Variants in DNAJB7 observed in about 807,000 individuals in gnomAD.
DNAJB7 encodes DnaJ heat shock protein family (Hsp40) member B7, also known as dnaJ homolog subfamily B member 7.
A neutral mutation model predicts 1.2 loss-of-function variants in DNAJB7; 1 was observed. The ratio of observed to expected loss-of-function variants is 0.84; its 90% confidence interval spans 0.30 to 4.01. The LOEUF (loss-of-function observed/expected upper bound fraction) is 4.01. Ranked by LOEUF, DNAJB7 falls within the 30% of genes most tolerant of loss-of-function variation. The pLI, the probability that DNAJB7 is intolerant of heterozygous loss-of-function variation, is 0.18. For synonymous variants in DNAJB7, 128 were observed against 127.7 expected, an observed-to-expected ratio of 1.00 and a Z score of -0.01; for missense variants, 420 against 358.5, an observed-to-expected ratio of 1.17 and a Z score of -1.39.
Position 40,860,986 on chromosome 22 carries a change from TTAAG to T in DNAJB7, c.*75_*78del, listed in dbSNP as rs900446847. 1.0e-4 allele frequency: 139 copies of T among 1,345,868 alleles called. No homozygotes were observed. In the African/African-American group the frequency reaches 1.3e-3, roughly 13 times the overall value. The allele number at this position is 1,345,868 out of a possible 1,614,324, so 83.4% of individuals were successfully genotyped here. On this transcript the variant is annotated 3_prime_UTR_variant, in exon 1 of 1. Transcript: ENST00000307221. ...GTGTTGAAAAGCTCTTAGTATAGTA[TTAAG>T]TGTTATCTACAAAATTTGTGATTAA... is the stretch of plus-strand genomic sequence containing the variant.
At position 40,860,661 on chromosome 22, in the gene DNAJB7, T is replaced by C; in HGVS notation, c.*404A>G. The C allele has an allele frequency of 7.7e-7, 1 of 1,306,516 alleles. No homozygotes were observed. The highest frequency in any genetic ancestry group is 1.0e-6 in the Non-Finnish European group (1 of 961,332). The allele number at this position is 1,306,516 out of a possible 1,614,324, so 80.9% of individuals were successfully genotyped here. A position where few individuals can be genotyped will look rare whatever the true frequency, so the allele number is the denominator to read the frequency against. ...CATTGCAGTTTTCCAAATTCCTTTT[T>C]TTTTTTTTTAAGACAGGGTCTTACT... On this transcript the variant is annotated 3_prime_UTR_variant, in exon 1 of 1. Coordinates refer to ENST00000307221, the MANE Select transcript of DNAJB7 (RefSeq NM_145174.2).
chr22:40,860,451 A>G lies in DNAJB7; in HGVS notation c.*614T>C, dbSNP rs2057935921. 2.7e-6 allele frequency: 1 copy of G among 368,920 alleles called. No individual in the cohort carries two copies. The highest frequency in any genetic ancestry group is 2.1e-5 in the African/African-American group (1 of 47,784). 22.9% of individuals were successfully genotyped at this position (368,920 alleles called of 1,614,324 possible). On this transcript the variant is annotated 3_prime_UTR_variant, in exon 1 of 1. Transcript: ENST00000307221. ...AGTACCTTTAAGTTATAATGCATCA[A>G]ATGCTGTTCCTCCATTGGAAAACAG...
Position 40,861,665 on chromosome 22 carries a change from G to T in DNAJB7, c.330C>A (p.His110Gln), listed in dbSNP as rs1295211358. ...GGTCCTCAAGCGAGTCTTCAAAGAA[G>T]TGAAAAGAAAATGGATCCCTTTCAT... ...IFHERDPFSFHFFEDSLEDLL... is the reference protein window; with the variant it reads ...IFHERDPFSFQFFEDSLEDLL... The change falls in exon 1 of 1, where the codon CAC becomes CAA. Residue 110 changes from histidine to glutamine, a missense_variant. His to Gln is a conservative substitution (Grantham distance 24). Transcript: ENST00000307221. 4.3e-6 allele frequency: 7 copies of T among 1,614,004 alleles called. No homozygotes were observed. Among genetic ancestry groups the T allele is most frequent in the Non-Finnish European group, 3.4e-6 (4 of 1,180,030 alleles).
In DNAJB7 at chr22:40,860,935, A is replaced by T; in HGVS notation, c.*130T>A. 3 of 922,940 alleles carry T rather than the reference A, an allele frequency of 3.3e-6. No individual in the cohort carries two copies. The highest frequency in any genetic ancestry group is 3.1e-5 in the Admixed American group (1 of 32,128). The allele number at this position is 922,940 out of a possible 1,614,324, so 57.2% of individuals were successfully genotyped here. A position where few individuals can be genotyped will look rare whatever the true frequency, so the allele number is the denominator to read the frequency against. ...ACATACCCATTCAAAAAAACTACTA[A>T]CCAAATGTCCACAATCCTGCTAAAA... On this transcript the variant is annotated 3_prime_UTR_variant, in exon 1 of 1. Transcript: ENST00000307221.
rs1446202013 is a variant in DNAJB7 at position 40,861,409 on chromosome 22, C to T, written c.586G>A (p.Gly196Ser). ...SVTTSDKIVN[G>S]RNINTKKIIE... ...ATTTTCTTTGTATTAATATTTCTGC[C>T]ATTAACGATTTTGTCTGAAGTTGTA... Residue 196 changes from glycine to serine, a missense_variant, in exon 1 of 1, where the codon GGC becomes AGC. Physicochemically the swap from Gly to Ser is moderately conservative, Grantham distance 56 (BLOSUM62 0). Coordinates refer to ENST00000307221, the MANE Select transcript of DNAJB7 (RefSeq NM_145174.2). The T allele has an allele frequency of 6.2e-7, 1 of 1,613,628 alleles. No homozygotes were observed. Among genetic ancestry groups the T allele is most frequent in the East Asian group, 2.2e-5 (1 of 44,876 alleles).
chr22:40,861,013 T>C lies in DNAJB7; in HGVS notation c.*52A>G. On this transcript the variant is annotated 3_prime_UTR_variant, in exon 1 of 1. Transcript: ENST00000307221. ...AAGTGTTATCTACAAAATTTGTGAT[T>C]AACCAAAACACACACAATTGTGTTC... 1 of 1,511,818 alleles carries C rather than the reference T, an allele frequency of 6.6e-7. No homozygotes were observed. The highest frequency in any genetic ancestry group is 8.9e-7 in the Non-Finnish European group (1 of 1,128,262). 93.7% of individuals were successfully genotyped at this position (1,511,818 alleles called of 1,614,324 possible).
In DNAJB7 at chr22:40,861,784, C is replaced by T; in HGVS notation, c.211G>A (p.Glu71Lys). ...KRDIYDKYGT[E>K]GLNGGGSHFD... The stretch of plus-strand genomic sequence containing the variant: ...TGACTTCCACCTCCGTTTAATCCTT[C>T]TGTGCCATATTTATCATAAATGTCC... The change falls in exon 1 of 1, where the codon GAA becomes AAA. Residue 71 changes from glutamate (E) to lysine (K), a missense_variant. By Grantham distance (56) the Glu-to-Lys change is moderately conservative. Transcript: ENST00000307221. The T allele has an allele frequency of 6.2e-7, 1 of 1,613,544 alleles. No individual in the cohort carries two copies. Among genetic ancestry groups the T allele is most frequent in the Non-Finnish European group, 8.5e-7 (1 of 1,179,832 alleles).
chr22:40,860,941 T>C lies in DNAJB7; in HGVS notation c.*124A>G. 1.2e-5 allele frequency: 11 copies of C among 952,934 alleles called. No homozygotes were observed. Among genetic ancestry groups the C allele is most frequent in the Non-Finnish European group, 1.7e-5 (11 of 657,644 alleles). The allele number at this position is 952,934 out of a possible 1,614,324, so 59.0% of individuals were successfully genotyped here. Reference sequence around the variant, plus strand: ...CCATTCAAAAAAACTACTAACCAAATGTCCACAATCCTGCTAAAAGTGTTG... The same window carrying C: ...CCATTCAAAAAAACTACTAACCAAACGTCCACAATCCTGCTAAAAGTGTTG... On this transcript the variant is annotated 3_prime_UTR_variant, in exon 1 of 1. Transcript: ENST00000307221.
rs1430163407 is a variant in DNAJB7, at chr22:40,859,944, T to C, written c.*1121A>G. Reference sequence around the variant, plus strand: ...AAACTCTAAACAAAAATAGAAAATTTCCTGTCTGGAGTGATTCACTGATGG... The same window carrying C: ...AAACTCTAAACAAAAATAGAAAATTCCCTGTCTGGAGTGATTCACTGATGG... On this transcript the variant is annotated 3_prime_UTR_variant, in exon 1 of 1. Coordinates refer to ENST00000307221, the MANE Select transcript of DNAJB7 (RefSeq NM_145174.2). 1 of 152,220 alleles carries C rather than the reference T, an allele frequency of 6.6e-6. No homozygotes were observed. The highest frequency in any genetic ancestry group is 1.5e-5 in the Non-Finnish European group (1 of 68,044). The allele number at this position is 152,220 out of a possible 1,614,324, so 9.4% of individuals were successfully genotyped here.
Position 40,861,401 on chromosome 22 carries a change from A to G in DNAJB7, c.594T>C (p.Asn198=). ...TTTCAATAATTTTCTTTGTATTAAT[A>G]TTTCTGCCATTAACGATTTTGTCTG... ...TTSDKIVNGR[N]INTKKIIESD... Residue 198 remains asparagine (N), a synonymous_variant, in exon 1 of 1, where the codon AAT becomes AAC. Coordinates refer to ENST00000307221, the MANE Select transcript of DNAJB7 (RefSeq NM_145174.2). 1 of 1,613,708 alleles carries G rather than the reference A, an allele frequency of 6.2e-7. No individual in the cohort carries two copies. Among genetic ancestry groups the G allele is most frequent in the Non-Finnish European group, 8.5e-7 (1 of 1,179,930 alleles).
rs150104806 is a variant in DNAJB7, at chr22:40,861,483, A to G, written c.512T>C (p.Phe171Ser). 6.2e-7 allele frequency: 1 copy of G among 1,614,168 alleles called. No homozygotes were observed. The highest frequency in any genetic ancestry group is 2.2e-5 in the East Asian group (1 of 44,876). The change falls in exon 1 of 1, where the codon TTC (phenylalanine) becomes TCC (serine). Residue 171 changes from phenylalanine (F) to serine (S), a missense_variant. Physicochemically the swap from Phe to Ser is radical, Grantham distance 155. Coordinates refer to ENST00000307221, the MANE Select transcript of DNAJB7 (RefSeq NM_145174.2). ...ACTATTATCAAAAGCCAGGGAAGAG[A>G]AAGAAGTAAGGCCTTCATGCCCCAA... ...GSLGHEGLTS[F>S]SSLAFDNSGM... is the part of the protein sequence containing the mutation.
At position 40,861,434 on chromosome 22, in the gene DNAJB7, A is replaced by G. The variant is rs552818417; in HGVS notation, c.561T>C (p.Val187=). The change falls in exon 1 of 1, where the codon GTT becomes GTC. Residue 187 remains valine, a synonymous_variant. Transcript: ENST00000307221. ...CATTAACGATTTTGTCTGAAGTTGT[A>G]ACAGATATGTAGTTGTCCATCCCAC... ...DNSGMDNYIS[V]TTSDKIVNGR... 126 of 1,613,844 alleles carry G rather than the reference A, an allele frequency of 7.8e-5. No homozygotes were observed. The highest frequency in any genetic ancestry group is 1.1e-4 in the Non-Finnish European group (124 of 1,180,014).
rs1209904432 is a variant in DNAJB7, at chr22:40,860,552, C to T, written c.*513G>A. The T allele has an allele frequency of 1.1e-5, 10 of 916,004 alleles. No individual in the cohort carries two copies. The highest frequency in any genetic ancestry group is 7.1e-5 in the Admixed American group (2 of 28,136). The allele number at this position is 916,004 out of a possible 1,614,324, so 56.7% of individuals were successfully genotyped here. A position where few individuals can be genotyped will look rare whatever the true frequency, so the allele number is the denominator to read the frequency against. ...TTGTCTTCTAATGCTATGCATGTTT[C>T]GTAAGTTTGTATAGTGGTTTTAATT... On this transcript the variant is annotated 3_prime_UTR_variant, in exon 1 of 1. Coordinates refer to ENST00000307221, the MANE Select transcript of DNAJB7 (RefSeq NM_145174.2).
chr22:40,861,722 AT>A, the DNAJB7 span: 1 of 1,614,092 alleles, frequency 6.2e-7, no homozygotes. Context: ...CATCTGGCTT[AT>A]GGAATGTGAA....
rs916818795 is a variant in DNAJB7 at position 40,861,020 on chromosome 22, AAC to A, written c.*43_*44del. ...ATCTACAAAATTTGTGATTAACCAAAACACACACAATTGTGTTCAAATGTTAT... is the reference window on the plus strand; with the variant it reads ...ATCTACAAAATTTGTGATTAACCAAAACACACAATTGTGTTCAAATGTTAT... On this transcript the variant is annotated 3_prime_UTR_variant, in exon 1 of 1. Transcript: ENST00000307221. 6.6e-7 allele frequency: 1 copy of A among 1,525,772 alleles called. No individual in the cohort carries two copies. The highest frequency in any genetic ancestry group is 8.8e-7 in the Non-Finnish European group (1 of 1,138,702). 94.5% of individuals were successfully genotyped at this position (1,525,772 alleles called of 1,614,324 possible).
At position 40,861,676 on chromosome 22, in the gene DNAJB7, A is replaced by T. The variant is rs745609459; in HGVS notation, c.319T>A (p.Phe107Ile). The change falls in exon 1 of 1, where the codon TTT becomes ATT. Residue 107 changes from phenylalanine to isoleucine, a missense_variant. Phe to Ile is a conservative substitution (Grantham distance 21). Transcript: ENST00000307221. Reference protein sequence around the residue: ...FKEIFHERDPFSFHFFEDSLE... With the variant: ...FKEIFHERDPISFHFFEDSLE... ...GAGTCTTCAAAGAAGTGAAAAGAAA[A>T]TGGATCCCTTTCATGAAAAATTTCT... The T allele has an allele frequency of 2.0e-5, 33 of 1,614,168 alleles. No individual in the cohort carries two copies. In the East Asian group the frequency reaches 7.1e-4, roughly 35 times the overall value.
rs1280744150 is a variant in DNAJB7, at chr22:40,859,799, C to A, written c.*1266G>T. The stretch of plus-strand genomic sequence containing the variant: ...TAAGTTTTAGTGCTGCTAGATGTAA[C>A]TCAAACCATTTGCTCGATATCTGAT... On this transcript the variant is annotated 3_prime_UTR_variant, in exon 1 of 1. Coordinates refer to ENST00000307221, the MANE Select transcript of DNAJB7 (RefSeq NM_145174.2). The A allele has an allele frequency of 6.6e-6, 1 of 152,184 alleles. No homozygotes were observed. The highest frequency in any genetic ancestry group is 1.5e-5 in the Non-Finnish European group (1 of 68,032). 9.4% of individuals were successfully genotyped at this position (152,184 alleles called of 1,614,324 possible).
Position 40,860,599 on chromosome 22 carries a change from T to C in DNAJB7, c.*466A>G, listed in dbSNP as rs751730248. Reference sequence around the variant, plus strand: ...AATTAGAAAAAAGAAAAATAGGCTATAAACTCTACTAAAGAAAAATTCAAA... The same window carrying C: ...AATTAGAAAAAAGAAAAATAGGCTACAAACTCTACTAAAGAAAAATTCAAA... On this transcript the variant is annotated 3_prime_UTR_variant, in exon 1 of 1. Transcript: ENST00000307221. The C allele has an allele frequency of 2.8e-5, 35 of 1,245,364 alleles. No individual in the cohort carries two copies. The highest frequency in any genetic ancestry group is 5.6e-4 in the Middle Eastern group (2 of 3,584). 77.1% of individuals were successfully genotyped at this position (1,245,364 alleles called of 1,614,324 possible). A position where few individuals can be genotyped will look rare whatever the true frequency, so the allele number is the denominator to read the frequency against.
rs775855153 is a variant in DNAJB7 at position 40,861,879 on chromosome 22, T to C, written c.116A>G (p.Lys39Arg). 9 of 1,613,954 alleles carry C rather than the reference T, an allele frequency of 5.6e-6. No homozygotes were observed. In the Admixed American group the frequency reaches 1.2e-4, roughly 21 times the overall value. The change falls in exon 1 of 1, where the codon AAA (lysine) becomes AGA (arginine). Residue 39 changes from lysine (K) to arginine (R), a missense_variant. Lys to Arg is a conservative substitution (Grantham distance 26). Transcript: ENST00000307221. ...TTTGAATTTTCTCTCTGCTTCTTCT[T>C]TATTTTCTGGATTTTTATCAGGGTG... ...KWHPDKNPEN[K>R]EEAERKFKEV...
Sources: allele counts gnomAD v4.1 joint callset, GRCh38; gene constraint gnomAD v4.1.1; transcripts MANE v1.5; gene names NCBI Gene and HGNC (gene_info 2026-07-23, HGNC 2026-07-21).